The following PAPSS1 variants were observed in gnomAD, a reference collection of about 807,000 sequenced individuals.
The protein encoded by PAPSS1 is bifunctional 3'-phosphoadenosine 5'-phosphosulfate synthase 1.
In PAPSS1, 50 loss-of-function variants were observed where a neutral mutation model predicts 72.0. The ratio of observed to expected loss-of-function variants is 0.69; its 90% CI spans 0.55 to 0.88. PAPSS1 has a LOEUF of 0.88. PAPSS1 is among the 40% of genes least tolerant of loss of function. The pLI, the probability that PAPSS1 is intolerant of heterozygous loss-of-function variation, is 0.00. For synonymous variants in PAPSS1, 261 were observed against 263.6 expected (o/e 0.99, Z 0.09); for missense variants, 657 against 782.2 (o/e 0.84, Z 1.91).
At chr4:107,656,167 T>C (rs1052664006) in intron 7 of PAPSS1, among the ~76,000 whole-genome samples, 3 of 152,126 alleles carry the variant, frequency 2.0e-5, no homozygotes, top group Admixed American at 6.5e-5. Flanking sequence ...GGCTAGAGTA[T>C]AGTGGTGCCA....
At chr4:107,649,785 C>A (rs1050754189) in intron 9 of PAPSS1, among the ~76,000 whole-genome samples, 7 of 152,254 alleles carry the variant, frequency 4.6e-5, no homozygotes, top group Non-Finnish European at 2.9e-5. Context: ...CTACCACACA[C>A]TATTCTGAAA....
At chr4:107,719,226 T>C (rs945031768) in intron 1 of PAPSS1, among the ~76,000 whole-genome samples, 1 of 149,640 alleles carries the variant, frequency 6.7e-6, no homozygotes, top group Non-Finnish European at 1.5e-5. Context: ...AAGTAACGTT[T>C]TGGGAGACAT....
chr4:107,657,013 A>C lies in PAPSS1; in HGVS notation c.784-6T>G. 1 of 1,607,114 alleles carries C rather than the reference A, an allele frequency of 6.2e-7. No homozygotes were observed. The highest frequency in any genetic ancestry group is 8.5e-7 in the Non-Finnish European group (1 of 1,173,728). ...TGCACCCACTGCATATCCACCTAGT[A>C]AATTTGAAAGTAAAGCAAAATTTTC... On this transcript the variant is annotated splice_region_variant and splice_polypyrimidine_tract_variant and intron_variant, in intron 6 of 11. Coordinates refer to ENST00000265174, the MANE Select transcript of PAPSS1 (RefSeq NM_005443.5).
chr4:107,632,333 G>A (rs1038542973), intron 10 of PAPSS1, among the ~76,000 whole-genome samples: 1 of 151,840 alleles, frequency 6.6e-6, no homozygotes, highest in Non-Finnish European at 1.5e-5. Flanking sequence ...CACTGTAAAA[G>A]TTCATTGAGA....
chr4:107,622,678 T>C lies in PAPSS1; in HGVS notation c.1737-8291A>G, dbSNP rs549882825. On this transcript the variant is annotated intron_variant, in intron 11 of 11. Coordinates refer to ENST00000265174, the MANE Select transcript of PAPSS1 (RefSeq NM_005443.5). ...AGGGAGCAAAATACACAAAATCTTT[T>C]ATTAACTGCTTTACGAAATGTAGAA... is the stretch of plus-strand genomic sequence containing the variant. 5.9e-5 allele frequency among the ~76,000 whole-genome samples: 9 copies of C among 152,368 alleles called. 1 individual carries two copies. In the South Asian group the frequency reaches 1.9e-3, roughly 32 times the overall value.
intron 1 of PAPSS1, among the ~76,000 whole-genome samples, chr4:107,703,569 T>C (rs1463318952): frequency 6.6e-6 from 1 of 152,212 alleles, no homozygotes; most frequent in East Asian, 1.9e-4. Flanking sequence ...TTCATTCTTC[T>C]TCACGCAGAT....
chr4:107,698,232 T>C (rs1723119359), intron 2 of PAPSS1, among the ~76,000 whole-genome samples: 1 of 152,158 alleles, frequency 6.6e-6, no homozygotes, highest in African/African-American at 2.4e-5. Context: ...CTCAATAGCT[T>C]GGGCAGATCC....
chr4:107,665,730 T>C (rs1396107539), intron 5 of PAPSS1, among the ~76,000 whole-genome samples: 1 of 152,186 alleles, frequency 6.6e-6, no homozygotes, highest in African/African-American at 2.4e-5. Flanking sequence ...ATTAATTTAA[T>C]TTTAAAATGT....
At chr4:107,628,036 C>A (rs529197016) in intron 11 of PAPSS1, among the ~76,000 whole-genome samples, 9 of 152,248 alleles carry the variant, frequency 5.9e-5, no homozygotes, top group African/African-American at 1.7e-4. Context: ...ATACTAGAAT[C>A]TGGGCCACAT....
At chr4:107,680,863 G>A (rs1420539868) in intron 5 of PAPSS1, among the ~76,000 whole-genome samples, 5 of 152,132 alleles carry the variant, frequency 3.3e-5, no homozygotes, top group African/African-American at 1.2e-4. Flanking sequence ...TGTCTCAGTG[G>A]CCTGCAAATA....
intron 9 of PAPSS1, among the ~76,000 whole-genome samples, chr4:107,648,325 C>T (rs1560571726): frequency 6.6e-6 from 1 of 152,218 alleles, no homozygotes; most frequent in African/African-American, 2.4e-5. Context: ...AGAGGCGTTG[C>T]CAGCAAGGAC....
intron 1 of PAPSS1, among the ~76,000 whole-genome samples, chr4:107,710,896 C>T (rs1179271987): frequency 6.6e-6 from 1 of 152,236 alleles, no homozygotes; most frequent in East Asian, 1.9e-4. Context: ...GGCTTACAGC[C>T]AAATGATGAA....
chr4:107,705,464 G>A (rs962665625), intron 1 of PAPSS1, among the ~76,000 whole-genome samples: 5 of 152,058 alleles, frequency 3.3e-5, no homozygotes, highest in East Asian at 1.9e-4. Flanking sequence ...TTCACCTTCC[G>A]CCATGATTAT....
chr4:107,626,202 CTG>C (rs1363269937), intron 11 of PAPSS1, among the ~76,000 whole-genome samples: 1 of 150,462 alleles, frequency 6.6e-6, no homozygotes, highest in African/African-American at 2.4e-5. Context: ...AAAGTATACT[CTG>C]GCATCAAAAA....
intron 1 of PAPSS1, among the ~76,000 whole-genome samples, chr4:107,702,198 A>G (rs1723222545): frequency 1.3e-5 from 2 of 152,210 alleles, no homozygotes. Context: ...TGGGGAGGAT[A>G]TGGAAATATT....
intron 10 of PAPSS1, among the ~76,000 whole-genome samples, chr4:107,635,051 G>A (rs184405317): frequency 2.0e-4 from 31 of 152,158 alleles, no homozygotes; most frequent in African/African-American, 7.0e-4. Context: ...GCCCGCCTTG[G>A]CCTCCCAAAG....
intron 9 of PAPSS1, among the ~76,000 whole-genome samples, chr4:107,651,817 A>G (rs1726847100): frequency 6.6e-6 from 1 of 152,186 alleles, no homozygotes. Context: ...CTTACTACAT[A>G]GCAGTACAGT....
chr4:107,647,726 C>T (rs145274916), intron 9 of PAPSS1, among the ~76,000 whole-genome samples: 115 of 152,164 alleles, frequency 7.6e-4, no homozygotes, highest in African/African-American at 2.0e-3. Context: ...ATTTCTATTC[C>T]GCTTGGCCAT....
At chr4:107,628,705 TTTCATATG>T (rs1414118399) in intron 11 of PAPSS1, among the ~76,000 whole-genome samples, 1 of 152,216 alleles carries the variant, frequency 6.6e-6, no homozygotes, top group Non-Finnish European at 1.5e-5. Flanking sequence ...GCACAAAACA[TTTCATATG>T]TACAAGTACC....
Sources: gnomAD v4.1 joint callset for allele counts (sites outside exome capture counted in the v4.1 genomes callset) on GRCh38, gnomAD v4.1.1 for gene constraint, MANE v1.5 for transcripts, NCBI Gene and HGNC (gene_info 2026-07-23, HGNC 2026-07-21) for gene names.